The following AKR1C3 variants were observed in gnomAD, a reference collection of about 807,000 sequenced individuals.
The protein encoded by AKR1C3 is 3-alpha hydroxysteroid dehydrogenase, type II.
AKR1C3 carries 48 observed loss-of-function variants against 43.6 expected under a neutral mutation model. The ratio of observed to expected loss-of-function variants is 1.10; its 90% CI spans 0.87 to 1.40. The LOEUF (loss-of-function observed/expected upper bound fraction) is 1.40. Among genes scored for constraint, AKR1C3 ranks in the 40% most tolerant of loss-of-function variants. AKR1C3 has a pLI of 0.00. For missense variants in AKR1C3, 482 were observed against 391.2 expected, an observed-to-expected ratio of 1.23 and a Z score of -1.96; for synonymous variants, 162 against 139.6, an observed-to-expected ratio of 1.16 and a Z score of -1.13.
chr10:5,077,188 GTT>G (rs1838734522), intron 1 of AKR1C3, among the ~76,000 whole-genome samples: 1 of 152,102 alleles, frequency 6.6e-6, no homozygotes, highest in South Asian at 2.1e-4. Flanking sequence ...GTTGGACTGA[GTT>G]TTGAGGAGCA....
intron 1 of AKR1C3, among the ~76,000 whole-genome samples, chr10:5,071,604 A>G (rs545634253): frequency 6.6e-6 from 1 of 152,292 alleles, no homozygotes; most frequent in African/African-American, 2.4e-5. Context: ...ACACACCCAA[A>G]CATAATTTCT....
At chr10:5,101,044 C>G (rs782418083) in intron 5 of AKR1C3, among the ~76,000 whole-genome samples, 1 of 152,124 alleles carries the variant, frequency 6.6e-6, no homozygotes, top group African/African-American at 2.4e-5. Context: ...ATTATTGTAT[C>G]TAAGGAAACG....
chr10:5,097,543 C>CT lies in AKR1C3; in HGVS notation c.363dup (p.Leu122SerfsTer5). On this transcript the variant is annotated frameshift_variant, in exon 3 of 9. Coordinates refer to ENST00000380554, the MANE Select transcript of AKR1C3 (RefSeq NM_003739.6). LOFTEE classifies it high-confidence loss of function. ...CTCTATCTTATTCATTCTCCAATGTCTCTAAAGGTATGCAGTTTGTATGAG... is the reference window on the plus strand; with the variant it reads ...CTCTATCTTATTCATTCTCCAATGTCTTCTAAAGGTATGCAGTTTGTATGAG... 1 of 1,613,566 alleles carries CT rather than the reference C, an allele frequency of 6.2e-7. No individual in the cohort carries two copies.
chr10:5,048,931 G>A, intron 1 of AKR1C3: 16 of 1,568,012 alleles, frequency 1.0e-5, no homozygotes, highest in Non-Finnish European at 1.4e-5. Flanking sequence ...GAGTTGAAAA[G>A]AGCAAAGCCA....
intron 1 of AKR1C3, among the ~76,000 whole-genome samples, chr10:5,072,411 C>A (rs527508979): frequency 6.6e-6 from 1 of 152,198 alleles, no homozygotes; most frequent in African/African-American, 2.4e-5. Context: ...GGATAGAGAC[C>A]TTTTCTTCTA....
chr10:5,102,946 G>GT (rs370945874), intron 7 of AKR1C3, among the ~76,000 whole-genome samples: 42,167 of 146,708 alleles, frequency 0.29, 6,489 homozygotes, highest in Non-Finnish European at 0.35. Context: ...TTTGGTTTTG[G>GT]TTTTTTTTTT....
chr10:5,074,554 A>T (rs541310168), intron 1 of AKR1C3, among the ~76,000 whole-genome samples: 1 of 152,204 alleles, frequency 6.6e-6, no homozygotes, highest in Non-Finnish European at 1.5e-5. Flanking sequence ...AACATTTTCC[A>T]TCTCTTCTCT....
At chr10:5,055,724 C>T (rs569898484) in intron 1 of AKR1C3, among the ~76,000 whole-genome samples, 2 of 152,288 alleles carry the variant, frequency 1.3e-5, no homozygotes, top group South Asian at 4.1e-4. Context: ...AAAGATGGAG[C>T]TTGTACTAGG....
Position 5,105,577 on chromosome 10 carries a change from GT to G in AKR1C3, c.847-12del, listed in dbSNP as rs782262767. On this transcript the variant is annotated splice_polypyrimidine_tract_variant and intron_variant, in intron 7 of 8. Coordinates refer to ENST00000380554, the MANE Select transcript of AKR1C3 (RefSeq NM_003739.6). ...AACTGGCAATCTAAAAATAATAAAA[GT>G]TTTTTATTTCTGATAGGTTTTTGAG... 2 of 1,599,228 alleles carry G rather than the reference GT, an allele frequency of 1.3e-6. No homozygotes were observed. Among genetic ancestry groups the G allele is most frequent in the Non-Finnish European group, 1.7e-6 (2 of 1,168,818 alleles).
intron 7 of AKR1C3, among the ~76,000 whole-genome samples, chr10:5,104,783 A>G (rs1839457337): frequency 6.6e-6 from 1 of 152,132 alleles, no homozygotes; most frequent in African/African-American, 2.4e-5. Flanking sequence ...AACCATATGT[A>G]TTTTTAAATA....
chr10:5,097,407 A>C, intron 2 of AKR1C3, 27 bp from the exon 3 acceptor site: 1 of 1,608,278 alleles, frequency 6.2e-7, no homozygotes, highest in African/African-American at 1.3e-5. Flanking sequence ...TTCATTCAAA[A>C]TCACCTCCAT....
intron 4 of AKR1C3, 82 bp downstream of exon 4, chr10:5,098,961 A>T (rs894833155): frequency 2.2e-5 from 25 of 1,131,064 alleles, no homozygotes; most frequent in Non-Finnish European, 3.1e-5. Context: ...AAAGAATGGA[A>T]TATGCACCAT....
intron 1 of AKR1C3, among the ~76,000 whole-genome samples, chr10:5,085,876 G>T (rs1311429315): frequency 1.3e-5 from 2 of 151,916 alleles, no homozygotes; most frequent in Admixed American, 6.5e-5. Context: ...GGTGTTTACA[G>T]TATTCTCTGA....
chr10:5,065,239 C>T (rs1340313559), intron 1 of AKR1C3, among the ~76,000 whole-genome samples: 1 of 152,178 alleles, frequency 6.6e-6, no homozygotes, highest in Non-Finnish European at 1.5e-5. Flanking sequence ...TTCAACCGAG[C>T]AATCCCATTA....
intron 1 of AKR1C3, among the ~76,000 whole-genome samples, chr10:5,071,798 T>C (rs549986971): frequency 8.5e-5 from 13 of 152,360 alleles, no homozygotes; most frequent in African/African-American, 3.1e-4. Flanking sequence ...CCAGAGGGAC[T>C]AATCACATGG....
chr10:5,090,903 C>T (rs1564366015), upstream of AKR1C3, among the ~76,000 whole-genome samples: 1 of 152,090 alleles, frequency 6.6e-6, no homozygotes, highest in East Asian at 1.9e-4. Context: ...GAGTCAAATG[C>T]TATTAATAGG....
At chr10:5,050,435 G>T (rs1449261502) in intron 1 of AKR1C3, among the ~76,000 whole-genome samples, 1 of 152,226 alleles carries the variant, frequency 6.6e-6, no homozygotes, top group African/African-American at 2.4e-5. Context: ...ATGCTTTGAA[G>T]GTTTTAGTAG....
chr10:5,059,119 G>A (rs1439966001), intron 1 of AKR1C3, among the ~76,000 whole-genome samples: 3 of 152,202 alleles, frequency 2.0e-5, no homozygotes, highest in African/African-American at 4.8e-5. Context: ...CTGTTAGTCT[G>A]AGGAGGGATC....
At chr10:5,067,673 G>A (rs547754122) in intron 1 of AKR1C3, among the ~76,000 whole-genome samples, 1 of 152,256 alleles carries the variant, frequency 6.6e-6, no homozygotes, top group African/African-American at 2.4e-5. Flanking sequence ...TGTCTAAATT[G>A]CACACCAGGT....
Sources: gnomAD v4.1 joint callset for allele counts (sites outside exome capture counted in the v4.1 genomes callset) on GRCh38, gnomAD v4.1.1 for gene constraint, MANE v1.5 for transcripts, NCBI Gene and HGNC (gene_info 2026-07-23, HGNC 2026-07-21) for gene names.